RASA2: variants seen among roughly 807,000 people sequenced by gnomAD.
The protein encoded by RASA2 is RAS p21 protein activator 2, also known as ras GTPase-activating protein 2.
In RASA2, 155 loss-of-function variants were observed where a neutral mutation model predicts 118.2. That is an observed-to-expected ratio of 1.31 (90% CI 1.15 to 1.50). The LOEUF is 1.50. Ranked by LOEUF, RASA2 falls within the 40% of genes most tolerant of loss-of-function variation. The pLI is 0.00. For synonymous variants in RASA2, 353 were observed against 349.1 expected (o/e 1.01, Z -0.12); for missense variants, 1,016 against 1,009.6 (o/e 1.01, Z -0.09).
intron 15 of RASA2, chr3:141,579,455 C>T (rs1361980142): frequency 2.6e-5 from 4 of 152,112 alleles, no homozygotes; most frequent in Non-Finnish European, 5.9e-5. Context: ...GCCTGAAAAA[C>T]CTCTTGGATA....
Position 141,512,086 on chromosome 3 carries a change from T to A in RASA2, c.134-77T>A. ...TGCCACATTAATATGTTCTTTCAGA[T>A]TGAAGTCATCCTATATAAGGCTTAG... On this transcript the variant is annotated intron_variant, in intron 1 of 23. Coordinates refer to ENST00000286364, the MANE Select transcript of RASA2 (RefSeq NM_006506.5). 3.2e-6 allele frequency: 3 copies of A among 928,496 alleles called. No homozygotes were observed. The South Asian group carries it at 4.3e-5, about 13-fold the overall frequency. The allele number at this position is 928,496 out of a possible 1,614,324, so 57.5% of individuals were successfully genotyped here.
chr3:141,608,351 A>G lies in RASA2; in HGVS notation c.2017-138A>G, dbSNP rs556615002. 52 of 789,892 alleles carry G rather than the reference A, an allele frequency of 6.6e-5. 1 individual carries two copies. The South Asian group carries it at 9.2e-4, about 14-fold the overall frequency. 48.9% of individuals were successfully genotyped at this position (789,892 alleles called of 1,614,324 possible). A position where few individuals can be genotyped will look rare whatever the true frequency, so the allele number is the denominator to read the frequency against. On this transcript the variant is annotated intron_variant, in intron 20 of 23. Transcript: ENST00000286364. ...TGCTTGGGACTAACTTGCTTGAAAC[A>G]TAATAATTTCTAAGACATCTTAGCA...
chr3:141,580,068 A>AG (rs1560047237), intron 15 of RASA2, among the ~76,000 whole-genome samples: 111 of 80,850 alleles, frequency 1.4e-3, no homozygotes, highest in Admixed American at 4.0e-3. Flanking sequence ...GAAAAAAAAA[A>AG]GAAAAAAAAA....
intron 2 of RASA2, among the ~76,000 whole-genome samples, chr3:141,513,671 A>G (rs947667273): frequency 6.6e-5 from 10 of 152,198 alleles, no homozygotes; most frequent in Non-Finnish European, 1.2e-4. Context: ...TTGAAGGGAA[A>G]AATATAGTGA....
intron 1 of RASA2, among the ~76,000 whole-genome samples, chr3:141,499,446 A>C (rs1435714100): frequency 6.6e-6 from 1 of 152,228 alleles, no homozygotes; most frequent in Non-Finnish European, 1.5e-5. Context: ...ACGAAAAAAC[A>C]GTTCTTTGCT....
chr3:141,588,851 T>A (rs1354595780), intron 19 of RASA2, among the ~76,000 whole-genome samples: 1 of 152,034 alleles, frequency 6.6e-6, no homozygotes, highest in African/African-American at 2.4e-5. Context: ...ATTTTTATTT[T>A]TTTTTTTTGA....
chr3:141,543,875 TC>T lies in RASA2; in HGVS notation c.527+3267del, dbSNP rs1265386953. On this transcript the variant is annotated intron_variant, in intron 5 of 23. Coordinates refer to ENST00000286364, the MANE Select transcript of RASA2 (RefSeq NM_006506.5). ...CTTTTTTCTTTCTTTCTTTCTTTTT[TC>T]TTTTTTTTTTTTTTTTTGATATGGA... 1.4e-3 allele frequency among the ~76,000 whole-genome samples: 170 copies of T among 122,722 alleles called. 1 individual carries two copies. The highest frequency in any genetic ancestry group is 6.1e-3 in the African/African-American group (166 of 27,174). The allele number at this position is 122,722 out of a possible 152,430, so 80.5% of individuals were successfully genotyped here. A position where few individuals can be genotyped will look rare whatever the true frequency, so the allele number is the denominator to read the frequency against.
chr3:141,577,171 A>T, intron 15 of RASA2, 65 bp downstream of exon 15: 2 of 1,304,496 alleles, frequency 1.5e-6, no homozygotes, highest in Non-Finnish European at 2.1e-6. Flanking sequence ...TGAAGAAAAG[A>T]TAAAATAAAC....
intron 9 of RASA2, among the ~76,000 whole-genome samples, chr3:141,560,266 A>G (rs1272517840): frequency 6.6e-6 from 1 of 152,196 alleles, no homozygotes; most frequent in Non-Finnish European, 1.5e-5. Flanking sequence ...AAAATGGGAA[A>G]CATTTAAAAC....
At chr3:141,584,009 G>A (rs1314083202) in intron 17 of RASA2, among the ~76,000 whole-genome samples, 4 of 151,716 alleles carry the variant, frequency 2.6e-5, no homozygotes, top group African/African-American at 4.8e-5. Flanking sequence ...CAAAGTAATG[G>A]TAGATTAAAA....
In RASA2 at chr3:141,577,032, A is replaced by T; in HGVS notation, c.1516A>T (p.Ser506Cys). ...DPHVQYSAVS[S>C]FVFLRFFAVA... ...TCATGTTCAGTATTCTGCAGTGAGC[A>T]GCTTTGTATTTCTTCGTTTCTTTGC... Residue 506 changes from serine (S) to cysteine (C), a missense_variant, in exon 15 of 24, where the codon AGC becomes TGC. Physicochemically the swap from Ser to Cys is moderately radical, Grantham distance 112. This residue lies in a region of RASA2 where 896 missense variants were observed against 836.4 expected (regional missense o/e 1.07). Transcript: ENST00000286364. 1.2e-6 allele frequency: 2 copies of T among 1,611,392 alleles called. No individual in the cohort carries two copies. Among genetic ancestry groups the T allele is most frequent in the Non-Finnish European group, 1.7e-6 (2 of 1,178,596 alleles).
intron 19 of RASA2, among the ~76,000 whole-genome samples, chr3:141,606,255 A>C (rs567482817): frequency 7.3e-4 from 111 of 152,248 alleles, no homozygotes; most frequent in Middle Eastern, 3.4e-3. Context: ...CCACCATTCA[A>C]TTCCCCACCC....
chr3:141,505,517 A>G (rs1156569316), intron 1 of RASA2, among the ~76,000 whole-genome samples: 1 of 152,236 alleles, frequency 6.6e-6, no homozygotes, highest in South Asian at 2.1e-4. Flanking sequence ...AGATACACAG[A>G]GGAATGAGAG....
At chr3:141,609,363 G>T in intron 21 of RASA2, 57 bp from the exon 22 acceptor site, 1 of 1,085,148 alleles carries the variant, frequency 9.2e-7, no homozygotes, top group Non-Finnish European at 1.3e-6. Flanking sequence ...AGAAGTCCTT[G>T]GCATGTTAAC....
chr3:141,578,586 CA>C (rs1166000981), intron 15 of RASA2: 1 of 152,208 alleles, frequency 6.6e-6, no homozygotes, highest in Non-Finnish European at 1.5e-5. Context: ...CCTTTCTTGC[CA>C]AAGGATAAAT....
intron 1 of RASA2, among the ~76,000 whole-genome samples, chr3:141,493,566 C>T (rs1207725701): frequency 6.6e-6 from 1 of 152,192 alleles, no homozygotes; most frequent in East Asian, 1.9e-4. Flanking sequence ...AGATTAGCCA[C>T]ATACCCTACC....
intron 19 of RASA2, among the ~76,000 whole-genome samples, chr3:141,602,161 C>T (rs1298902094): frequency 6.6e-6 from 1 of 152,158 alleles, no homozygotes; most frequent in Non-Finnish European, 1.5e-5. Flanking sequence ...ATGTGTCACA[C>T]TTTCCTGTTT....
chr3:141,595,108 T>G (rs2083346614), intron 19 of RASA2, among the ~76,000 whole-genome samples: 1 of 152,068 alleles, frequency 6.6e-6, no homozygotes, highest in Non-Finnish European at 1.5e-5. Flanking sequence ...AACAAAAATT[T>G]AGGGAAATAC....
At chr3:141,550,060 A>G (rs1405920865) in intron 5 of RASA2, among the ~76,000 whole-genome samples, 2 of 152,232 alleles carry the variant, frequency 1.3e-5, no homozygotes, top group South Asian at 2.1e-4. Context: ...GTAGAATTCT[A>G]GTTAATGAAT....
Sources: gnomAD v4.1 joint callset for allele counts (sites outside exome capture counted in the v4.1 genomes callset) on GRCh38, gnomAD v4.1.1 for gene constraint, gnomAD v4.1.1 regional missense constraint, MANE v1.5 for transcripts, NCBI Gene and HGNC (gene_info 2026-07-23, HGNC 2026-07-21) for gene names.